BACH2: variants seen among roughly 807,000 people sequenced by gnomAD.
The protein encoded by BACH2 is transcription regulator protein BACH2.
A neutral mutation model predicts 61.8 loss-of-function variants in BACH2; 5 were observed. That is an observed-to-expected ratio of 0.08 (90% confidence interval 0.04 to 0.17). The LOEUF is 0.17. Ranked by LOEUF, BACH2 falls within the 10% of genes least tolerant of loss-of-function variation. BACH2 has a pLI of 1.00. For synonymous variants in BACH2, 446 were observed against 440.1 expected (o/e 1.01, Z -0.17); for missense variants, 824 against 1,091.1 (o/e 0.76, Z 3.45).
intron 5 of BACH2, among the ~76,000 whole-genome samples, chr6:90,046,168 G>A (rs4707589): frequency 2.6e-5 from 4 of 151,940 alleles, no homozygotes; most frequent in Non-Finnish European, 5.9e-5. Context: ...CTCTGGATAC[G>A]TTGACATGGA....
intron 6 of BACH2, among the ~76,000 whole-genome samples, chr6:89,980,752 C>T (rs1362631259): frequency 6.6e-6 from 1 of 152,218 alleles, no homozygotes; most frequent in African/African-American, 2.4e-5. Context: ...GAAGTCCATA[C>T]ACTTCTTATT....
At chr6:90,294,855 A>G (rs541273633) in intron 1 of BACH2, among the ~76,000 whole-genome samples, 1 of 152,350 alleles carries the variant, frequency 6.6e-6, no homozygotes, top group Non-Finnish European at 1.5e-5. Context: ...GTTACATTTT[A>G]ATGATCTGAG....
At chr6:90,042,963 T>C (rs756999220) in intron 5 of BACH2, among the ~76,000 whole-genome samples, 3 of 152,144 alleles carry the variant, frequency 2.0e-5, no homozygotes, top group Non-Finnish European at 4.4e-5. Flanking sequence ...ACGGCCTGAT[T>C]TGGCATGAAT....
At chr6:90,080,849 T>C (rs1457010633) in intron 5 of BACH2, 2 of 867,336 alleles carry the variant, frequency 2.3e-6, no homozygotes, top group Non-Finnish European at 2.8e-6. Flanking sequence ...ACCGTCTTCA[T>C]GCGCGGTACT....
chr6:90,123,280 T>C (rs577876653), intron 4 of BACH2, among the ~76,000 whole-genome samples: 151 of 152,188 alleles, frequency 9.9e-4, no homozygotes, highest in African/African-American at 3.3e-3. Context: ...ACCTGGAGCC[T>C]CCCCAGAAGC....
At chr6:90,167,816 G>T (rs1767681315) in intron 4 of BACH2, among the ~76,000 whole-genome samples, 1 of 152,146 alleles carries the variant, frequency 6.6e-6, no homozygotes. Flanking sequence ...TTAGATGTTT[G>T]GGAGTTCTCC....
chr6:89,972,685 T>C (rs1775432945), intron 6 of BACH2, among the ~76,000 whole-genome samples: 1 of 152,180 alleles, frequency 6.6e-6, no homozygotes, highest in African/African-American at 2.4e-5. Context: ...GTCTGTTGTT[T>C]CAGTTTCTGC....
intron 3 of BACH2, among the ~76,000 whole-genome samples, chr6:90,221,775 C>A (rs539792810): frequency 1.3e-4 from 19 of 151,990 alleles, no homozygotes; most frequent in Middle Eastern, 3.2e-3. Flanking sequence ...AAAGAAGAAA[C>A]TGAATGTGAA....
At chr6:89,970,929 G>C (rs754574954) in intron 6 of BACH2, among the ~76,000 whole-genome samples, 1 of 152,176 alleles carries the variant, frequency 6.6e-6, no homozygotes, top group Non-Finnish European at 1.5e-5. Flanking sequence ...AAATATATGC[G>C]GGATCTTAAC....
intron 5 of BACH2, among the ~76,000 whole-genome samples, chr6:90,072,077 A>T (rs1232663630): frequency 1.3e-5 from 2 of 152,112 alleles, no homozygotes; most frequent in African/African-American, 2.4e-5. Context: ...AAAAAAATCC[A>T]CGTATATGTG....
At chr6:90,281,919 G>C (rs1212005574) in intron 1 of BACH2, among the ~76,000 whole-genome samples, 3 of 152,178 alleles carry the variant, frequency 2.0e-5, no homozygotes, top group South Asian at 2.1e-4. Flanking sequence ...CACACAATAA[G>C]TGGCAGAACC....
chr6:90,088,555 T>C (rs991557180), intron 5 of BACH2, among the ~76,000 whole-genome samples: 4 of 152,174 alleles, frequency 2.6e-5, no homozygotes, highest in Non-Finnish European at 5.9e-5. Context: ...ATTACTCAAG[T>C]ATATACAGTT....
intron 5 of BACH2, among the ~76,000 whole-genome samples, chr6:90,024,348 C>T (rs574511748): frequency 3.9e-5 from 6 of 152,252 alleles, no homozygotes; most frequent in African/African-American, 1.4e-4. Flanking sequence ...CAAATCTAAC[C>T]AATTCCAAGT....
intron 4 of BACH2, among the ~76,000 whole-genome samples, chr6:90,139,392 G>C (rs1485475137): frequency 1.3e-5 from 2 of 152,190 alleles, no homozygotes; most frequent in African/African-American, 4.8e-5. Flanking sequence ...AAGTGAGGGA[G>C]AAGGTGGGGA....
chr6:89,958,465 C>T (rs1288632410), intron 6 of BACH2, among the ~76,000 whole-genome samples: 3 of 152,210 alleles, frequency 2.0e-5, no homozygotes, highest in Non-Finnish European at 4.4e-5. Context: ...AACTGTAAGA[C>T]AGGGATACTG....
At chr6:89,980,585 C>T (rs945762829) in intron 6 of BACH2, among the ~76,000 whole-genome samples, 6 of 152,186 alleles carry the variant, frequency 3.9e-5, no homozygotes, top group Non-Finnish European at 7.3e-5. Flanking sequence ...CCTCAGTGGC[C>T]ACCATCTAGA....
chr6:90,263,575 C>T (rs924918538), intron 2 of BACH2, among the ~76,000 whole-genome samples: 4 of 152,152 alleles, frequency 2.6e-5, no homozygotes, highest in Non-Finnish European at 4.4e-5. Flanking sequence ...TACATGCCAT[C>T]CACTTAACTT....
At chr6:90,286,196 C>T (rs934414552) in intron 1 of BACH2, among the ~76,000 whole-genome samples, 1 of 152,200 alleles carries the variant, frequency 6.6e-6, no homozygotes, top group Non-Finnish European at 1.5e-5. Flanking sequence ...ACCACAAGAA[C>T]TGGTAACAGA....
At chr6:90,255,516 T>C (rs1440023331) in intron 2 of BACH2, among the ~76,000 whole-genome samples, 1 of 152,208 alleles carries the variant, frequency 6.6e-6, no homozygotes, top group South Asian at 2.1e-4. Context: ...GAGATGGCAT[T>C]TGAGTTGGGC....
Sources: gnomAD v4.1 joint callset for allele counts (sites outside exome capture counted in the v4.1 genomes callset) on GRCh38, gnomAD v4.1.1 for gene constraint, MANE v1.5 for transcripts, NCBI Gene and HGNC (gene_info 2026-07-23, HGNC 2026-07-21) for gene names.